CSMD1: variants seen among roughly 807,000 people sequenced by gnomAD.
CSMD1 encodes the protein CUB and sushi domain-containing protein 1.
A neutral mutation model predicts 417.5 loss-of-function variants in CSMD1; 213 were observed. The ratio of observed to expected loss-of-function variants is 0.51; its 90% CI spans 0.46 to 0.57. The LOEUF is 0.57. Among genes scored for constraint, CSMD1 ranks in the 20% least tolerant of loss-of-function variants. CSMD1 has a pLI of 0.00. For missense variants in CSMD1, 6,923 were observed against 4,529.7 expected (o/e 1.53, Z -15.17); for synonymous variants, 2,862 against 1,736.8 (o/e 1.65, Z -16.11).
At chr8:3,036,616 A>C (rs1481570786) in intron 50 of CSMD1, among the ~76,000 whole-genome samples, 2 of 152,174 alleles carry the variant, frequency 1.3e-5, no homozygotes, top group African/African-American at 2.4e-5. Flanking sequence ...CGAGAGAAAA[A>C]CTGGTGTTAG....
In CSMD1 at chr8:3,901,378, T is replaced by C. The variant is rs1475604962; in HGVS notation, c.818+96525A>G. On this transcript the variant is annotated intron_variant, in intron 5 of 69. Coordinates refer to ENST00000635120, the MANE Select transcript of CSMD1 (RefSeq NM_033225.6). The stretch of plus-strand genomic sequence containing the variant: ...AAAGTGTGTTGATTGGAAGTGAAGA[T>C]GGGCATATTTCAGTAAACCTTCATC... Among the ~76,000 whole-genome samples the C allele has an allele frequency of 2.0e-5, 3 of 152,216 alleles. 1 individual carries two copies. Among genetic ancestry groups the C allele is most frequent in the African/African-American group, 7.2e-5 (3 of 41,462 alleles).
intron 3 of CSMD1, among the ~76,000 whole-genome samples, chr8:4,168,512 A>G (rs753930372): frequency 6.6e-6 from 1 of 152,162 alleles, no homozygotes; most frequent in Non-Finnish European, 1.5e-5. Context: ...ATGCAACACT[A>G]GATTAAAATA....
intron 10 of CSMD1, among the ~76,000 whole-genome samples, chr8:3,508,166 T>C (rs188439655): frequency 2.0e-4 from 31 of 152,242 alleles, no homozygotes; most frequent in African/African-American, 5.1e-4. Context: ...TAGGTGGGAA[T>C]TGAACAATGA....
chr8:3,387,259 G>A (rs968823870), intron 18 of CSMD1, among the ~76,000 whole-genome samples: 10 of 152,176 alleles, frequency 6.6e-5, no homozygotes, highest in African/African-American at 2.4e-4. Flanking sequence ...AGCTCCCTAA[G>A]TTTGTTCATT....
At chr8:4,736,416 G>C (rs763896643) in intron 1 of CSMD1, among the ~76,000 whole-genome samples, 1 of 152,062 alleles carries the variant, frequency 6.6e-6, no homozygotes, top group Non-Finnish European at 1.5e-5. Flanking sequence ...TTTAGAAATT[G>C]GTGAATGAAT....
At chr8:3,064,705 A>G (rs17317719) in intron 49 of CSMD1, among the ~76,000 whole-genome samples, 1,634 of 152,026 alleles carry the variant, frequency 0.011, 13 homozygotes, top group Middle Eastern at 0.024. Flanking sequence ...ATTTTCTCAA[A>G]GTTGGCCATT....
At chr8:4,032,173 G>C (rs1295643844) in intron 3 of CSMD1, 74 bp from the exon 4 acceptor site, 24 of 1,066,608 alleles carry the variant, frequency 2.3e-5, no homozygotes, top group Non-Finnish European at 3.1e-5. Flanking sequence ...AGATAAAACA[G>C]ACACCATTTT....
intron 1 of CSMD1, among the ~76,000 whole-genome samples, chr8:4,668,923 T>G (rs1805121535): frequency 6.6e-6 from 1 of 152,222 alleles, no homozygotes; most frequent in Admixed American, 6.5e-5. Context: ...TATTTTATTC[T>G]CTTTTTCTAA....
At chr8:3,374,854 G>C (rs1395433074) in intron 18 of CSMD1, among the ~76,000 whole-genome samples, 1 of 152,134 alleles carries the variant, frequency 6.6e-6, no homozygotes, top group African/African-American at 2.4e-5. Flanking sequence ...CACTTCCCCA[G>C]ACCCTGCCAA....
chr8:4,310,287 G>A (rs918836185), intron 3 of CSMD1, among the ~76,000 whole-genome samples: 3 of 152,158 alleles, frequency 2.0e-5, no homozygotes, highest in Non-Finnish European at 4.4e-5. Context: ...GCTGCTTAGA[G>A]CTGAAATTCT....
chr8:4,720,490 G>T lies in CSMD1; in HGVS notation c.86-82932C>A, dbSNP rs147159246. Among the ~76,000 whole-genome samples the T allele has an allele frequency of 3.7e-4, 56 of 152,074 alleles. 1 individual carries two copies. The highest frequency in any genetic ancestry group is 1.0e-3 in the African/African-American group (42 of 41,502). On this transcript the variant is annotated intron_variant, in intron 1 of 69. Coordinates refer to ENST00000635120, the MANE Select transcript of CSMD1 (RefSeq NM_033225.6). ...TGGAGTGCAGAGGCATGATCTCGGC[G>T]CACTATAACCTCTGCCTCCTGGGTT... is the stretch of plus-strand genomic sequence containing the variant.
chr8:4,880,638 C>A lies in CSMD1; in HGVS notation c.85+113694G>T, dbSNP rs1803331121. Among the ~76,000 whole-genome samples, 2 of 151,968 alleles carry A rather than the reference C, an allele frequency of 1.3e-5. 1 individual carries two copies. Among genetic ancestry groups the A allele is most frequent in the South Asian group, 4.1e-4 (2 of 4,820 alleles). ...GATTTGAGATTTACTCAGTTCGAAGCGTCCCGATGAAGCAATCGGAAGTGG... is the reference window on the plus strand; with the variant it reads ...GATTTGAGATTTACTCAGTTCGAAGAGTCCCGATGAAGCAATCGGAAGTGG... On this transcript the variant is annotated intron_variant, in intron 1 of 69. Transcript: ENST00000635120.
intron 6 of CSMD1, among the ~76,000 whole-genome samples, chr8:3,743,531 G>C (rs1796919758): frequency 6.6e-6 from 1 of 152,168 alleles, no homozygotes; most frequent in Admixed American, 6.5e-5. Flanking sequence ...AACAAGGGTG[G>C]TTGCAGGGTG....
rs200332754 is a variant in CSMD1, at chr8:4,146,589, GAC to G, written c.416-114492_416-114491del. On this transcript the variant is annotated intron_variant, in intron 3 of 69. Coordinates refer to ENST00000635120, the MANE Select transcript of CSMD1 (RefSeq NM_033225.6). Reference sequence around the variant, plus strand: ...TATTATCTGTCTAAATGTTTATATGGACACATTTTTTTTTTTTTTTTTTTTTT... The same window carrying G: ...TATTATCTGTCTAAATGTTTATATGGACATTTTTTTTTTTTTTTTTTTTTT... 6.4e-3 allele frequency among the ~76,000 whole-genome samples: 547 copies of G among 85,114 alleles called. 34 individuals are homozygous for G. Among genetic ancestry groups the G allele is most frequent in the African/African-American group, 0.022 (510 of 23,466 alleles). 55.8% of individuals were successfully genotyped at this position (85,114 alleles called of 152,430 possible). A position where few individuals can be genotyped will look rare whatever the true frequency, so the allele number is the denominator to read the frequency against.
At position 3,259,225 on chromosome 8, in the gene CSMD1, G is replaced by A. The variant is rs75839078; in HGVS notation, c.4153+24919C>T. Among the ~76,000 whole-genome samples the A allele has an allele frequency of 1.8e-3, 278 of 152,276 alleles. 1 individual carries two copies. The highest frequency in any genetic ancestry group is 6.3e-3 in the African/African-American group (263 of 41,562). ...AAGACACCTAAATAATCTGAAAGGC[G>A]TTTTCTAAAATTAATAACCTGATTA... On this transcript the variant is annotated intron_variant, in intron 26 of 69. Coordinates refer to ENST00000635120, the MANE Select transcript of CSMD1 (RefSeq NM_033225.6).
intron 23 of CSMD1, among the ~76,000 whole-genome samples, chr8:3,313,247 A>C (rs183158809): frequency 9.1e-4 from 139 of 152,354 alleles, no homozygotes; most frequent in African/African-American, 2.6e-3. Flanking sequence ...AGCAATGGCA[A>C]CAAAACCCAA....
chr8:3,638,976 A>G (rs1442719003), intron 7 of CSMD1, among the ~76,000 whole-genome samples: 1 of 152,210 alleles, frequency 6.6e-6, no homozygotes, highest in Non-Finnish European at 1.5e-5. Flanking sequence ...CAAATAAGAG[A>G]AAGGCAGTGT....
intron 23 of CSMD1, 141 bp downstream of exon 23, chr8:3,343,153 A>G (rs976997374): frequency 1.1e-5 from 7 of 635,236 alleles, no homozygotes; most frequent in Non-Finnish European, 1.9e-5. Flanking sequence ...CAACCAGTCA[A>G]CAGAGTACAG....
chr8:4,461,064 G>T (rs1799786428), intron 2 of CSMD1, among the ~76,000 whole-genome samples: 2 of 150,592 alleles, frequency 1.3e-5, no homozygotes, highest in African/African-American at 5.0e-5. Context: ...TATATACTGT[G>T]TCCAAGTGCT....
Sources: allele counts gnomAD v4.1 joint callset (sites outside exome capture counted in the v4.1 genomes callset), GRCh38; gene constraint gnomAD v4.1.1; transcripts MANE v1.5; gene names NCBI Gene and HGNC (gene_info 2026-07-23, HGNC 2026-07-21).